The following ASAP2 variants were observed in gnomAD, a reference collection of about 807,000 sequenced individuals.
ASAP2 encodes the protein arf-GAP with SH3 domain, ANK repeat and PH domain-containing protein 2.
In ASAP2, 45 loss-of-function variants were observed where a neutral mutation model predicts 131.4. The observed-to-expected ratio is 0.34, with a 90% CI of 0.27 to 0.44. The LOEUF (loss-of-function observed/expected upper bound fraction) is 0.44. Among genes scored for constraint, ASAP2 ranks in the 20% least tolerant of loss-of-function variants. ASAP2 has a pLI of 1.00. For synonymous variants in ASAP2, 510 were observed against 503.0 expected (o/e 1.01, Z -0.19); for missense variants, 1,011 against 1,297.0 (o/e 0.78, Z 3.39).
intron 3 of ASAP2, among the ~76,000 whole-genome samples, chr2:9,305,160 G>A (rs999185382): frequency 6.6e-6 from 1 of 151,780 alleles, no homozygotes; most frequent in South Asian, 2.1e-4. Context: ...TATTGGTGGA[G>A]GGGCTGGAGT....
At chr2:9,379,882 C>T (rs1674693485) in intron 19 of ASAP2, among the ~76,000 whole-genome samples, 1 of 151,610 alleles carries the variant, frequency 6.6e-6, no homozygotes, top group African/African-American at 2.4e-5. Flanking sequence ...GGCCCAGCTA[C>T]TTGGGAGGCT....
intron 6 of ASAP2, among the ~76,000 whole-genome samples, chr2:9,326,490 G>A (rs1334800226): frequency 1.3e-5 from 2 of 152,080 alleles, no homozygotes; most frequent in East Asian, 1.9e-4. Flanking sequence ...ATCCTCTGTT[G>A]CTGATTGTAA....
At chr2:9,365,366 G>A (rs531749418) in intron 15 of ASAP2, among the ~76,000 whole-genome samples, 3 of 152,298 alleles carry the variant, frequency 2.0e-5, no homozygotes, top group South Asian at 2.1e-4. Context: ...TGAGCTCAGC[G>A]GTCAGGGAAG....
chr2:9,219,496 A>G (rs1558243401), intron 1 of ASAP2, among the ~76,000 whole-genome samples: 2 of 152,232 alleles, frequency 1.3e-5, no homozygotes, highest in Admixed American at 1.3e-4. Context: ...GTATTCATAT[A>G]TACTGGATGT....
chr2:9,386,125 C>T (rs1323101325), intron 21 of ASAP2, among the ~76,000 whole-genome samples: 1 of 151,838 alleles, frequency 6.6e-6, no homozygotes, highest in African/African-American at 2.4e-5. Context: ...CCACATTAAA[C>T]ACATTTTCAT....
chr2:9,340,271 T>C (rs541932037), intron 9 of ASAP2, among the ~76,000 whole-genome samples: 44 of 152,248 alleles, frequency 2.9e-4, no homozygotes, highest in African/African-American at 1.0e-3. Context: ...TCTGCCCGCC[T>C]CCGCCTCCCA....
In ASAP2 at chr2:9,369,750, C is replaced by T. The variant is rs112871861; in HGVS notation, c.1556+1231C>T. On this transcript the variant is annotated intron_variant, in intron 16 of 27. Transcript: ENST00000281419. ...TAAGCCTGAAGTAGAATTAATGACA[C>T]GAGTCTTCCCAAAGGACAGTGAGCA... 4.0e-3 allele frequency among the ~76,000 whole-genome samples: 608 copies of T among 152,324 alleles called. 5 individuals are homozygous for T. The highest frequency in any genetic ancestry group is 0.014 in the African/African-American group (569 of 41,566).
In ASAP2 at chr2:9,279,389, G is replaced by T. The variant is rs1367279784; in HGVS notation, c.199G>T (p.Ala67Ser). The T allele has an allele frequency of 1.2e-6, 2 of 1,613,712 alleles. No individual in the cohort carries two copies. Among genetic ancestry groups the T allele is most frequent in the Non-Finnish European group, 1.7e-6 (2 of 1,179,628 alleles). The change falls in exon 2 of 28, where the codon GCT (alanine) becomes TCT (serine). Residue 67 changes from alanine (A) to serine (S), a missense_variant and splice_region_variant. This residue lies in a region of ASAP2 where 359 missense variants were observed against 598.1 expected (regional missense o/e 0.60). Transcript: ENST00000281419. ...SVKAINSSGL[A>S]HVENEEQYTQ... is the part of the protein sequence containing the mutation. The stretch of plus-strand genomic sequence containing the variant: ...GAAAGCAATCAACAGCTCTGGGCTG[G>T]GTGAGTATACATCCTTCCCTAGAGG...
At chr2:9,387,826 A>T (rs1572614203) in intron 21 of ASAP2, among the ~76,000 whole-genome samples, 1 of 152,280 alleles carries the variant, frequency 6.6e-6, no homozygotes, top group East Asian at 1.9e-4. Flanking sequence ...TAATTCACTC[A>T]CACCTCCACA....
intron 15 of ASAP2, among the ~76,000 whole-genome samples, chr2:9,365,306 G>A (rs368477668): frequency 1.3e-5 from 2 of 152,174 alleles, no homozygotes; most frequent in Non-Finnish European, 1.5e-5. Context: ...ACCCTTCGGG[G>A]ATCCAAGGGG....
chr2:9,209,761 G>A (rs1038855792), intron 1 of ASAP2, among the ~76,000 whole-genome samples: 3 of 152,152 alleles, frequency 2.0e-5, no homozygotes, highest in South Asian at 2.1e-4. Flanking sequence ...TAGAGATGGG[G>A]TTTCACCATG....
rs974810255 is a variant in ASAP2, at chr2:9,370,950, T to C, written c.1556+2431T>C. On this transcript the variant is annotated intron_variant, in intron 16 of 27. Coordinates refer to ENST00000281419, the MANE Select transcript of ASAP2 (RefSeq NM_003887.3). Reference sequence around the variant, plus strand: ...CAGCTGCTTCATCTCACACTGACGGTACCAGCACCCTGTAATGCTGTCATA... The same window carrying C: ...CAGCTGCTTCATCTCACACTGACGGCACCAGCACCCTGTAATGCTGTCATA... 1.3e-5 allele frequency among the ~76,000 whole-genome samples: 2 copies of C among 152,188 alleles called. 1 individual carries two copies. Among genetic ancestry groups the C allele is most frequent in the Non-Finnish European group, 2.9e-5 (2 of 68,034 alleles).
Position 9,391,183 on chromosome 2 carries a change from C to T in ASAP2, c.2505C>T (p.Arg835=), listed in dbSNP as rs778976290. 2.5e-6 allele frequency: 4 copies of T among 1,613,830 alleles called. No individual in the cohort carries two copies. Among genetic ancestry groups the T allele is most frequent in the East Asian group, 2.2e-5 (1 of 44,880 alleles). ...TCCATCCACCGCTGCCCCCTCTTCGCGTGACATCTACCAGTACGTTTTTTT... is the reference window on the plus strand; with the variant it reads ...TCCATCCACCGCTGCCCCCTCTTCGTGTGACATCTACCAGTACGTTTTTTT... ...PAVHPPLPPL[R]VTSTNPLTPT... Residue 835 remains arginine (R), a synonymous_variant, in exon 23 of 28, where the codon CGC becomes CGT. Transcript: ENST00000281419.
At chr2:9,264,219 T>TAATAAA in intron 1 of ASAP2, among the ~76,000 whole-genome samples, 1 of 149,954 alleles carries the variant, frequency 6.7e-6, no homozygotes, top group South Asian at 2.1e-4. Flanking sequence ...ATAATAATAA[T>TAATAAA]AATAAACACA....
intron 3 of ASAP2, among the ~76,000 whole-genome samples, chr2:9,304,690 A>C (rs1668721922): frequency 1.7e-5 from 2 of 117,202 alleles, no homozygotes; most frequent in Non-Finnish European, 3.4e-5. Context: ...AGGGGGTGTA[A>C]TAGTGGGGTA....
intron 6 of ASAP2, among the ~76,000 whole-genome samples, chr2:9,324,961 T>A (rs1670387635): frequency 6.6e-6 from 1 of 152,222 alleles, no homozygotes; most frequent in Admixed American, 6.5e-5. Context: ...ATTTTACTTT[T>A]TTTTATGTCT....
chr2:9,385,915 T>C (rs954105768), intron 21 of ASAP2, among the ~76,000 whole-genome samples: 8 of 152,238 alleles, frequency 5.3e-5, no homozygotes, highest in African/African-American at 1.7e-4. Flanking sequence ...AGCTCCCTTC[T>C]TACCATCCTC....
At position 9,389,688 on chromosome 2, in the gene ASAP2, C is replaced by T. The variant is rs779826380; in HGVS notation, c.2383+1142C>T. 2.0e-5 allele frequency among the ~76,000 whole-genome samples: 3 copies of T among 152,172 alleles called. No individual in the cohort carries two copies. The highest frequency in any genetic ancestry group is 1.5e-5 in the Non-Finnish European group (1 of 68,036). On this transcript the variant is annotated intron_variant, in intron 22 of 27. Transcript: ENST00000281419. The surrounding 1 kb of genome is among the most constrained non-coding windows in gnomAD (Gnocchi z 4.7). The stretch of plus-strand genomic sequence containing the variant: ...TCATGTGAGTCACTGAGTCATACCC[C>T]GAAGAACAAACCTGCTGAGAGCAGA...
chr2:9,378,638 C>G (rs528187929), intron 18 of ASAP2, among the ~76,000 whole-genome samples: 2 of 152,360 alleles, frequency 1.3e-5, no homozygotes, highest in African/African-American at 4.8e-5. Flanking sequence ...GCTCTAGGTT[C>G]ACCCCGGTAG....
Sources: gnomAD v4.1 joint callset for allele counts (sites outside exome capture counted in the v4.1 genomes callset) on GRCh38, gnomAD v4.1.1 for gene constraint, gnomAD v4.1.1 regional missense constraint, Gnocchi (gnomAD v3.1) non-coding constraint, MANE v1.5 for transcripts, NCBI Gene and HGNC (gene_info 2026-07-23, HGNC 2026-07-21) for gene names.